The following ALPK3 variants were observed in gnomAD, a reference collection of about 807,000 sequenced individuals.
ALPK3 encodes the protein alpha-protein kinase 3.
A neutral mutation model predicts 140.0 loss-of-function variants in ALPK3; 102 were observed. That is an observed-to-expected ratio of 0.73 (90% CI 0.62 to 0.86). The LOEUF (loss-of-function observed/expected upper bound fraction) is 0.86. Ranked by LOEUF, ALPK3 falls within the 40% of genes least tolerant of loss-of-function variation. The probability of loss-of-function intolerance (pLI) is 0.00; values close to 1 mark genes in which losing one functional copy is unlikely to be tolerated. For synonymous variants in ALPK3, 938 were observed against 898.5 expected (o/e 1.04, Z -0.79); for missense variants, 2,254 against 2,208.2 (o/e 1.02, Z -0.42).
At chr15:84,854,712 C>T (rs961412404) in intron 5 of ALPK3, among the ~76,000 whole-genome samples, 1 of 152,158 alleles carries the variant, frequency 6.6e-6, no homozygotes, top group Non-Finnish European at 1.5e-5. Context: ...TGGTGCCTGG[C>T]TCTTACAGGT....
intron 5 of ALPK3, among the ~76,000 whole-genome samples, chr15:84,845,294 G>T (rs929906212): frequency 1.3e-5 from 2 of 152,180 alleles, no homozygotes; most frequent in Non-Finnish European, 2.9e-5. Flanking sequence ...AGCAACAGAG[G>T]CCACAGGTGC....
In ALPK3 at chr15:84,828,827, G is replaced by A. The variant is rs1220566040; in HGVS notation, c.304+1222G>A. On this transcript the variant is annotated intron_variant, in intron 3 of 13. Transcript: ENST00000258888. Reference sequence around the variant, plus strand: ...TGAGAGAGGCTGATGCGTTGCCAAAGTCCGCAGCACTAGTGAGGGAGACAC... The same window carrying A: ...TGAGAGAGGCTGATGCGTTGCCAAAATCCGCAGCACTAGTGAGGGAGACAC... 2.6e-5 allele frequency among the ~76,000 whole-genome samples: 4 copies of A among 152,198 alleles called. No homozygotes were observed. In the South Asian group the frequency reaches 8.3e-4, roughly 32 times the overall value.
rs779300928 is a variant in ALPK3 at position 84,856,730 on chromosome 15, G to A, written c.1992G>A (p.Gln664=). ...DRSAQKGMMT[Q]GRAETQLETT... ...GTGCACAGAAGGGCATGATGACACAGGGAAGGGCAGAGACACAGCTAGAAA... is the reference window on the plus strand; with the variant it reads ...GTGCACAGAAGGGCATGATGACACAAGGAAGGGCAGAGACACAGCTAGAAA... The change falls in exon 6 of 14, where the codon CAG becomes CAA. Residue 664 remains glutamine, a synonymous_variant. Transcript: ENST00000258888. The A allele has an allele frequency of 3.1e-6, 5 of 1,613,982 alleles. No individual in the cohort carries two copies. The Admixed American group carries it at 5.0e-5, about 16-fold the overall frequency.
At position 84,850,879 on chromosome 15, in the gene ALPK3, T is replaced by TATACACACACAC. The variant is rs144798232; in HGVS notation, c.1654-5512_1654-5511insTACACACACACA. 3.6e-3 allele frequency among the ~76,000 whole-genome samples: 508 copies of TATACACACACAC among 142,450 alleles called. 3 individuals carry two copies. Among genetic ancestry groups the TATACACACACAC allele is most frequent in the African/African-American group, 0.011 (393 of 37,126 alleles). The allele number at this position is 142,450 out of a possible 152,430, so 93.5% of individuals were successfully genotyped here. A position where few individuals can be genotyped will look rare whatever the true frequency, so the allele number is the denominator to read the frequency against. ...TCATATCTTTACACAGTTCCAGATA[T>TATACACACACAC]ACACACACACACACACACACACACA... is the stretch of plus-strand genomic sequence containing the variant. On this transcript the variant is annotated intron_variant, in intron 5 of 13. Transcript: ENST00000258888.
rs887618669 is a variant in ALPK3 at position 84,869,348 on chromosome 15, G to A, written c.*892G>A. On this transcript the variant is annotated 3_prime_UTR_variant, in exon 14 of 14. Transcript: ENST00000258888. ...TCATGAGGTGAGAGCTGGTGTGAGG[G>A]TTGTGTCAGCAGCTGTAGCCAGAGA... 6 of 152,304 alleles carry A rather than the reference G, an allele frequency of 3.9e-5. No homozygotes were observed. 9.4% of individuals were successfully genotyped at this position (152,304 alleles called of 1,614,324 possible).
chr15:84,840,588 C>T lies in ALPK3; in HGVS notation c.1309C>T (p.Leu437=). The T allele has an allele frequency of 6.4e-7, 1 of 1,570,754 alleles. No individual in the cohort carries two copies. The highest frequency in any genetic ancestry group is 1.2e-5 in the South Asian group (1 of 82,922). The part of the protein sequence containing the change: ...RPLGEEGPQT[L]SVRAPGESPK... ...TCTTGGGGAAGAGGGACCCCAGACC[C>T]TGAGTGTCCGGGCGCCTGGGGAGAG... The change falls in exon 5 of 14, where the codon CTG becomes TTG. Residue 437 remains leucine, a synonymous_variant. Transcript: ENST00000258888.
intron 11 of ALPK3, 56 bp from the exon 12 acceptor site, chr15:84,864,386 G>T: frequency 6.5e-7 from 1 of 1,540,806 alleles, no homozygotes; most frequent in Non-Finnish European, 8.9e-7. Context: ...TTGGGTGGGA[G>T]GGAGGAGCTC....
In ALPK3 at chr15:84,863,611, G is replaced by C. The variant is rs756294948; in HGVS notation, c.4470G>C (p.Arg1490=). 2 of 1,613,950 alleles carry C rather than the reference G, an allele frequency of 1.2e-6. No individual in the cohort carries two copies. Among genetic ancestry groups the C allele is most frequent in the African/African-American group, 2.7e-5 (2 of 74,898 alleles). Residue 1490 remains arginine, a synonymous_variant, in exon 11 of 14, where the codon CGG becomes CGC. Transcript: ENST00000258888. ...EYCKIFAAEA[R]AAPGFGEVPE... ...GCAAAATCTTCGCAGCAGAAGCCCG[G>C]GCCGCGCCTGGCTTTGGGGAGGTGC...
In ALPK3 at chr15:84,857,840, C is replaced by T. The variant is rs1281861234; in HGVS notation, c.3102C>T (p.Pro1034=). The T allele has an allele frequency of 6.2e-7, 1 of 1,611,800 alleles. No individual in the cohort carries two copies. The highest frequency in any genetic ancestry group is 2.2e-5 in the East Asian group (1 of 44,816). ...GTGCACAGACCCTGCTGCTGAGCCC[C>T]TGTACCTCCCGCCGCCTCACCGGCC... is the stretch of plus-strand genomic sequence containing the variant. The part of the protein sequence containing the change: ...VQSAQTLLLS[P]CTSRRLTGLL... Residue 1034 remains proline, a synonymous_variant, in exon 6 of 14, where the codon CCC becomes CCT. Coordinates refer to ENST00000258888, the MANE Select transcript of ALPK3 (RefSeq NM_020778.5).
At chr15:84,864,953 T>C (rs570018213) in intron 12 of ALPK3, among the ~76,000 whole-genome samples, 1 of 152,116 alleles carries the variant, frequency 6.6e-6, no homozygotes, top group East Asian at 1.9e-4. Context: ...TTACATGGGG[T>C]CTAATTCAAA....
rs756157290 is a variant in ALPK3 at position 84,857,994 on chromosome 15, G to A, written c.3256G>A (p.Glu1086Lys). ...VDEEDPGLAS[E>K]GASEGEGEVS... The stretch of plus-strand genomic sequence containing the variant: ...CGAGGAGGACCCTGGGCTGGCCTCA[G>A]AAGGAGCCAGTGAGGGTGAAGGAGA... The change falls in exon 6 of 14, where the codon GAA (glutamate) becomes AAA (lysine). Residue 1086 changes from glutamate (E) to lysine (K), a missense_variant. Glu to Lys is a moderately conservative substitution (Grantham distance 56, BLOSUM62 1). Transcript: ENST00000258888. 6.3e-7 allele frequency: 1 copy of A among 1,599,640 alleles called. No homozygotes were observed. Among genetic ancestry groups the A allele is most frequent in the South Asian group, 1.1e-5 (1 of 88,888 alleles).
At chr15:84,817,672 C>T in intron 1 of ALPK3, 77 bp downstream of exon 1, 1 of 1,373,444 alleles carries the variant, frequency 7.3e-7, no homozygotes, top group Non-Finnish European at 9.4e-7. Flanking sequence ...CGGCCTGGCC[C>T]CTGGAGGCCT....
At chr15:84,829,478 A>T (rs1295523866) in intron 3 of ALPK3, among the ~76,000 whole-genome samples, 1 of 152,254 alleles carries the variant, frequency 6.6e-6, no homozygotes, top group Non-Finnish European at 1.5e-5. Context: ...AAGATTCAGC[A>T]TGGGCTTCTC....
At chr15:84,866,455 G>GGCCA (rs1267605631) in intron 12 of ALPK3, among the ~76,000 whole-genome samples, 1 of 152,178 alleles carries the variant, frequency 6.6e-6, no homozygotes, top group Non-Finnish European at 1.5e-5. Flanking sequence ...TGACTCCAGA[G>GGCCA]GCCACATTTG....
intron 3 of ALPK3, among the ~76,000 whole-genome samples, chr15:84,838,600 C>CATTATTATTATTATT (rs10625181): frequency 7.0e-5 from 8 of 115,034 alleles, no homozygotes; most frequent in East Asian, 3.0e-4. Context: ...TCTCTCCTCC[C>CATTATTATTATTATT]ATTATTATTA....
In ALPK3 at chr15:84,862,728, G is replaced by A. The variant is rs199741089; in HGVS notation, c.4223G>A (p.Ser1408Asn). 9 of 1,614,204 alleles carry A rather than the reference G, an allele frequency of 5.6e-6. No individual in the cohort carries two copies. The Admixed American group carries it at 1.2e-4, about 21-fold the overall frequency. Residue 1408 changes from serine to asparagine, a missense_variant, in exon 10 of 14, where the codon AGC becomes AAC. Ser to Asn is a conservative substitution (Grantham distance 46, BLOSUM62 1). Around this residue, in one of 3 missense-constraint regions of ALPK3, gnomAD observed 2,088 missense variants for 2,022.9 expected, o/e 1.03. Coordinates refer to ENST00000258888, the MANE Select transcript of ALPK3 (RefSeq NM_020778.5). ...WGDKLFGRLVSEELRGGGYGC... is the reference protein window; with the variant it reads ...WGDKLFGRLVNEELRGGGYGC... Reference sequence around the variant, plus strand: ...GACAAGCTCTTTGGGCGACTGGTAAGCGAGGAGCTCCGAGGGGGTGGATAT... The same window carrying A: ...GACAAGCTCTTTGGGCGACTGGTAAACGAGGAGCTCCGAGGGGGTGGATAT...
rs187000636 is a variant in ALPK3, at chr15:84,856,069, G to T, written c.1654-323G>T. Among the ~76,000 whole-genome samples, 692 of 152,326 alleles carry T rather than the reference G, an allele frequency of 4.5e-3. 2 individuals are homozygous for T. Among genetic ancestry groups the T allele is most frequent in the Non-Finnish European group, 7.5e-3 (507 of 68,028 alleles). ...CTCCTTCATATGGTAGGGGTGAGGG[G>T]TGGAATAACCCATGAGCAAGGTCTT... On this transcript the variant is annotated intron_variant, in intron 5 of 13. Coordinates refer to ENST00000258888, the MANE Select transcript of ALPK3 (RefSeq NM_020778.5).
At chr15:84,859,708 C>T in intron 7 of ALPK3, 68 bp from the exon 8 acceptor site, 1 of 1,520,030 alleles carries the variant, frequency 6.6e-7, no homozygotes, top group Non-Finnish European at 8.8e-7. Context: ...GAGTGGGGTC[C>T]AAGGACGCTT....
intron 9 of ALPK3, among the ~76,000 whole-genome samples, chr15:84,861,032 T>C (rs965151255): frequency 3.3e-5 from 5 of 152,220 alleles, no homozygotes; most frequent in African/African-American, 1.2e-4. Context: ...ATTTAATCAA[T>C]ATCAAATAAA....
Sources: gnomAD v4.1 joint callset for allele counts (sites outside exome capture counted in the v4.1 genomes callset) on GRCh38, gnomAD v4.1.1 for gene constraint, gnomAD v4.1.1 regional missense constraint, MANE v1.5 for transcripts, NCBI Gene and HGNC (gene_info 2026-07-23, HGNC 2026-07-21) for gene names.